INTS12: variants seen among roughly 807,000 people sequenced by gnomAD.
INTS12 encodes the protein integrator complex subunit 12.
A neutral mutation model predicts 41.6 loss-of-function variants in INTS12; 13 were observed. The observed-to-expected ratio is 0.31, with a 90% CI of 0.20 to 0.50. The LOEUF (loss-of-function observed/expected upper bound fraction) is 0.50, where lower values mean the gene tolerates loss of function less well. Among genes scored for constraint, INTS12 ranks in the 20% least tolerant of loss-of-function variants. The probability of loss-of-function intolerance (pLI) is 0.98; values close to 1 mark genes in which losing one functional copy is unlikely to be tolerated. For synonymous variants in INTS12, 199 were observed against 191.4 expected, an observed-to-expected ratio of 1.04 and a Z score of -0.33; for missense variants, 432 against 541.6, an observed-to-expected ratio of 0.80 and a Z score of 2.01.
intron 7 of INTS12, among the ~76,000 whole-genome samples, chr4:105,684,678 C>A (rs1731442088): frequency 6.6e-6 from 1 of 152,026 alleles, no homozygotes; most frequent in Non-Finnish European, 1.5e-5. Context: ...AGAAGAAAAA[C>A]TACATAAACC....
rs1434820908 is a variant in INTS12, at chr4:105,683,090, T to C, written c.1032A>G (p.Ile344Met). The C allele has an allele frequency of 6.2e-7, 1 of 1,614,132 alleles. No homozygotes were observed. The highest frequency in any genetic ancestry group is 8.5e-7 in the Non-Finnish European group (1 of 1,179,966). The stretch of plus-strand genomic sequence containing the variant: ...TGTTATTGGAACCTATTTTGGAACC[T>C]ATTCCACCTTTGGATGATGTTGCCA... ...TGLATSSKGG[I>M]GSKIGSNNST... Residue 344 changes from isoleucine to methionine, a missense_variant, in exon 8 of 8, where the codon ATA (isoleucine) becomes ATG (methionine). Around this residue, in one of 3 missense-constraint regions of INTS12, gnomAD observed 258 missense variants for 309.9 expected, o/e 0.83. Coordinates refer to ENST00000340139, the MANE Select transcript of INTS12 (RefSeq NM_020395.4).
chr4:105,694,240 G>T (rs990585850), intron 4 of INTS12, among the ~76,000 whole-genome samples: 5 of 152,172 alleles, frequency 3.3e-5, no homozygotes, highest in African/African-American at 1.2e-4. Context: ...AGATCTACAT[G>T]CATTAACAAA....
rs1246882467 is a variant in INTS12 at position 105,682,921 on chromosome 4, G to A, written c.1201C>T (p.Leu401=). The change falls in exon 8 of 8, where the codon CTA becomes TTA. Residue 401 remains leucine, a synonymous_variant. Coordinates refer to ENST00000340139, the MANE Select transcript of INTS12 (RefSeq NM_020395.4). ...GTTCCACTATTTCCATTCCCACTTA[G>A]TTGGCTGCTGCTTCCTGGAACTAAA... The part of the protein sequence containing the change: ...SSLVPGSSSQ[L]SGNGNSGTSG... 1 of 1,614,092 alleles carries A rather than the reference G, an allele frequency of 6.2e-7. No homozygotes were observed. Among genetic ancestry groups the A allele is most frequent in the Admixed American group, 1.7e-5 (1 of 60,022 alleles).
chr4:105,691,846 A>G (rs1412685724), intron 6 of INTS12, 130 bp downstream of exon 6: 1 of 635,740 alleles, frequency 1.6e-6, no homozygotes, highest in African/African-American at 1.9e-5. Context: ...CATACTATAC[A>G]TATAAATAAA....
chr4:105,685,296 T>C (rs1389253478), intron 7 of INTS12, among the ~76,000 whole-genome samples: 1 of 152,114 alleles, frequency 6.6e-6, no homozygotes, highest in Non-Finnish European at 1.5e-5. Flanking sequence ...TGATTTCATG[T>C]TGAATTTTCT....
intron 1 of INTS12, chr4:105,705,317 AC>A (rs1732226563): frequency 6.6e-6 from 1 of 152,460 alleles, no homozygotes; most frequent in Non-Finnish European, 1.5e-5. Context: ...GTCACAGTAT[AC>A]CCCATCATCC....
chr4:105,697,047 GTTTGT>G (rs1731891639), intron 3 of INTS12, among the ~76,000 whole-genome samples: 2 of 152,286 alleles, frequency 1.3e-5, no homozygotes, highest in South Asian at 4.1e-4. Context: ...AAATGAATCT[GTTTGT>G]TTTATTACTA....
At chr4:105,686,348 C>T (rs2149177515) in intron 7 of INTS12, among the ~76,000 whole-genome samples, 1 of 152,266 alleles carries the variant, frequency 6.6e-6, no homozygotes, top group South Asian at 2.1e-4. Context: ...CTTGGCCTCC[C>T]AAAGTGCTGG....
At chr4:105,683,376 C>T (rs1731393355) in intron 7 of INTS12, 59 bp from the exon 8 acceptor site, 2 of 1,220,594 alleles carry the variant, frequency 1.6e-6, no homozygotes, top group African/African-American at 1.5e-5. Context: ...CCTGTATAAA[C>T]ATCCCAAGTT....
chr4:105,693,884 A>C (rs1166305846), intron 4 of INTS12, among the ~76,000 whole-genome samples: 1 of 152,162 alleles, frequency 6.6e-6, no homozygotes, highest in Non-Finnish European at 1.5e-5. Flanking sequence ...TACCCATTAG[A>C]TTTGGCAAAA....
chr4:105,685,753 A>G (rs1164570976), intron 7 of INTS12, among the ~76,000 whole-genome samples: 1 of 152,106 alleles, frequency 6.6e-6, no homozygotes, highest in African/African-American at 2.4e-5. Flanking sequence ...TTATGAAATT[A>G]GATTAGAAAA....
At chr4:105,697,335 T>C (rs1373510334) in intron 3 of INTS12, among the ~76,000 whole-genome samples, 1 of 152,212 alleles carries the variant, frequency 6.6e-6, no homozygotes, top group African/African-American at 2.4e-5. Flanking sequence ...GTGCAGTCTA[T>C]TTTACTGTGA....
chr4:105,689,388 A>T (rs1172539154), intron 6 of INTS12, among the ~76,000 whole-genome samples: 1 of 152,232 alleles, frequency 6.6e-6, no homozygotes, highest in Non-Finnish European at 1.5e-5. Flanking sequence ...AATTATAGTT[A>T]GAATGACTGT....
Position 105,708,640 on chromosome 4 carries a change from T to C in INTS12, c.-174A>G, listed in dbSNP as rs954922091. 8.3e-5 allele frequency: 81 copies of C among 977,916 alleles called. 1 individual carries two copies. The highest frequency in any genetic ancestry group is 2.2e-5 in the Non-Finnish European group (18 of 823,820). The allele number at this position is 977,916 out of a possible 1,614,324, so 60.6% of individuals were successfully genotyped here. A position where few individuals can be genotyped will look rare whatever the true frequency, so the allele number is the denominator to read the frequency against. The stretch of plus-strand genomic sequence containing the variant: ...CAGAGTCGCTCAGCATAACTCACCG[T>C]TCCGCCCCGCCCTGCCGATCCGTCT... On this transcript the variant is annotated splice_region_variant and 5_prime_UTR_variant, in exon 1 of 8. Coordinates refer to ENST00000340139, the MANE Select transcript of INTS12 (RefSeq NM_020395.4).
intron 2 of INTS12, among the ~76,000 whole-genome samples, chr4:105,701,207 A>G (rs1427383438): frequency 6.7e-6 from 1 of 149,702 alleles, no homozygotes; most frequent in Non-Finnish European, 1.5e-5. Context: ...CACATCTGAC[A>G]AGAAACACAC....
intron 1 of INTS12, among the ~76,000 whole-genome samples, chr4:105,707,736 T>C (rs1578396858): frequency 6.6e-6 from 1 of 152,230 alleles, no homozygotes; most frequent in African/African-American, 2.4e-5. Context: ...ACTTGTTTTG[T>C]TCACTGTTAT....
chr4:105,686,790 A>G lies in INTS12; in HGVS notation c.706T>C (p.Ser236Pro), dbSNP rs1426675250. Residue 236 changes from serine (S) to proline (P), a missense_variant, in exon 7 of 8, where the codon TCT becomes CCT. Coordinates refer to ENST00000340139, the MANE Select transcript of INTS12 (RefSeq NM_020395.4). The stretch of plus-strand genomic sequence containing the variant: ...GGATCTTTGACAGCTGGAGTTACAG[A>G]AACAACTGCAGGGGCTGGTTTCTGC... ...PPQKPAPAVV[S>P]VTPAVKDPLV... 6.2e-7 allele frequency: 1 copy of G among 1,613,962 alleles called. No individual in the cohort carries two copies. Among genetic ancestry groups the G allele is most frequent in the African/African-American group, 1.3e-5 (1 of 75,044 alleles).
At chr4:105,684,252 A>G (rs1731426407) in intron 7 of INTS12, among the ~76,000 whole-genome samples, 1 of 152,312 alleles carries the variant, frequency 6.6e-6, no homozygotes, top group African/African-American at 2.4e-5. Context: ...CATATTAGGC[A>G]CAAATGTACG....
intron 1 of INTS12, chr4:105,706,195 G>C (rs1732255168): frequency 6.6e-6 from 1 of 150,770 alleles, no homozygotes; most frequent in African/African-American, 2.4e-5. Context: ...ATACACATCA[G>C]GTTTTCAACT....
Sources: gnomAD v4.1 joint callset for allele counts (sites outside exome capture counted in the v4.1 genomes callset) on GRCh38, gnomAD v4.1.1 for gene constraint, gnomAD v4.1.1 regional missense constraint, MANE v1.5 for transcripts, NCBI Gene and HGNC (gene_info 2026-07-23, HGNC 2026-07-21) for gene names.